The following IQGAP1 variants were observed in gnomAD, a reference collection of about 807,000 sequenced individuals.
IQGAP1 encodes ras GTPase-activating-like protein IQGAP1.
A neutral mutation model predicts 215.6 loss-of-function variants in IQGAP1; 66 were observed. The observed-to-expected ratio is 0.31, with a 90% confidence interval of 0.25 to 0.38. IQGAP1 has a LOEUF of 0.38. Among genes scored for constraint, IQGAP1 ranks in the 10% least tolerant of loss-of-function variants. The pLI is 1.00. For synonymous variants in IQGAP1, 772 were observed against 728.7 expected, an observed-to-expected ratio of 1.06 and a Z score of -0.96; for missense variants, 1,712 against 1,997.1, an observed-to-expected ratio of 0.86 and a Z score of 2.72.
At chr15:90,465,268 T>G (rs1337621997) in intron 15 of IQGAP1, among the ~76,000 whole-genome samples, 1 of 152,194 alleles carries the variant, frequency 6.6e-6, no homozygotes, top group Non-Finnish European at 1.5e-5. Flanking sequence ...CTTAAAAACA[T>G]TAGTAGTCAT....
Position 90,477,850 on chromosome 15 carries a change from C to T in IQGAP1, c.3290C>T (p.Ser1097Phe), listed in dbSNP as rs1294391796. The change falls in exon 26 of 38, where the codon TCT becomes TTT. Residue 1097 changes from serine to phenylalanine, a missense_variant. Transcript: ENST00000268182. Reference sequence around the variant, plus strand: ...ACTGACCCTGTGGATATTTACAAATCTTGGGTTAATCAGATGGAGTCTCAG... The same window carrying T: ...ACTGACCCTGTGGATATTTACAAATTTTGGGTTAATCAGATGGAGTCTCAG... The part of the protein sequence containing the change: ...IKTDPVDIYK[S>F]WVNQMESQTG... The T allele has an allele frequency of 3.7e-6, 6 of 1,613,758 alleles. No homozygotes were observed. Among genetic ancestry groups the T allele is most frequent in the Non-Finnish European group, 5.1e-6 (6 of 1,179,806 alleles).
intron 30 of IQGAP1, among the ~76,000 whole-genome samples, chr15:90,485,489 G>A (rs1441747789): frequency 6.6e-6 from 1 of 152,032 alleles, no homozygotes; most frequent in African/African-American, 2.4e-5. Flanking sequence ...ACTCAGGCTG[G>A]AGTGCAATGG....
intron 14 of IQGAP1, 127 bp downstream of exon 14, chr15:90,454,679 A>C: frequency 9.7e-7 from 1 of 1,026,702 alleles, no homozygotes; most frequent in Non-Finnish European, 1.4e-6. Context: ...TATATAACAC[A>C]AAAGGCTAAA....
chr15:90,388,416 G>A lies in IQGAP1; in HGVS notation c.55+20G>A, dbSNP rs758385811. 3 of 1,563,790 alleles carry A rather than the reference G, an allele frequency of 1.9e-6. 1 individual carries two copies. The South Asian group carries it at 3.4e-5, about 18-fold the overall frequency. On this transcript the variant is annotated intron_variant, in intron 1 of 37. Transcript: ENST00000268182. ...ATGGCTGTGAGTGCGGGGCTCCGCG[G>A]CGCGGGGGCTTCGGGCTGGGCTAAT... is the stretch of plus-strand genomic sequence containing the variant.
chr15:90,400,619 C>G (rs1241330792), intron 2 of IQGAP1, among the ~76,000 whole-genome samples: 1 of 152,126 alleles, frequency 6.6e-6, no homozygotes, highest in Non-Finnish European at 1.5e-5. Flanking sequence ...TATGGATTGT[C>G]CACCAGTCAA....
chr15:90,475,359 C>G (rs1449817200), intron 23 of IQGAP1, among the ~76,000 whole-genome samples: 2 of 151,760 alleles, frequency 1.3e-5, no homozygotes, highest in Admixed American at 1.3e-4. Context: ...TCTGGAACTC[C>G]TGGCCTCAAG....
chr15:90,496,306 CTTTTTTTTTTTTTTTTTT>C (rs552222380), intron 36 of IQGAP1, among the ~76,000 whole-genome samples: 12 of 106,092 alleles, frequency 1.1e-4, no homozygotes, highest in East Asian at 9.8e-4. Flanking sequence ...AGCATAATCC[CTTTTTTTTTTTTTTTTTT>C]TTTTTTTTTT....
chr15:90,452,954 C>G lies in IQGAP1; in HGVS notation c.1326+16C>G. On this transcript the variant is annotated intron_variant, in intron 12 of 37. Transcript: ENST00000268182. The stretch of plus-strand genomic sequence containing the variant: ...AAGTCCTGAAGTGAGTTCACTAAAC[C>G]TGTCCTGTTTGTGAGCAAAGTTGGG... 6.2e-7 allele frequency: 1 copy of G among 1,612,770 alleles called. No homozygotes were observed. The highest frequency in any genetic ancestry group is 8.5e-7 in the Non-Finnish European group (1 of 1,179,450).
intron 14 of IQGAP1, among the ~76,000 whole-genome samples, 200 bp from the exon 15 acceptor site, chr15:90,455,951 AG>A (rs1160684011): frequency 9.2e-5 from 14 of 152,240 alleles, no homozygotes; most frequent in African/African-American, 3.4e-4. Flanking sequence ...AGCATTCAAT[AG>A]GAATATGAAT....
At chr15:90,416,670 C>T (rs1425146909) in intron 2 of IQGAP1, among the ~76,000 whole-genome samples, 6 of 151,820 alleles carry the variant, frequency 4.0e-5, no homozygotes, top group African/African-American at 9.7e-5. Context: ...CTTCACCTCC[C>T]GTGTTCACGC....
chr15:90,475,634 T>C (rs1435118228), intron 23 of IQGAP1: 4 of 151,696 alleles, frequency 2.6e-5, no homozygotes, highest in African/African-American at 9.7e-5. Flanking sequence ...ATGCCTGTAA[T>C]TTCAGCTACT....
chr15:90,462,406 C>T (rs533677893), intron 15 of IQGAP1, among the ~76,000 whole-genome samples: 1 of 152,300 alleles, frequency 6.6e-6, no homozygotes, highest in South Asian at 2.1e-4. Flanking sequence ...GCAACTAAAC[C>T]AGCAGTGACC....
At chr15:90,491,265 T>G in intron 33 of IQGAP1, 68 bp from the exon 34 acceptor site, 1 of 1,310,644 alleles carries the variant, frequency 7.6e-7, no homozygotes, top group South Asian at 1.2e-5. Context: ...GGTGCAAATG[T>G]GCTATATAAA....
rs970815397 is a variant in IQGAP1 at position 90,470,273 on chromosome 15, A to G, written c.2179-2567A>G. 3.1e-4 allele frequency among the ~76,000 whole-genome samples: 47 copies of G among 152,082 alleles called. 3 individuals are homozygous for G. The highest frequency in any genetic ancestry group is 1.0e-4 in the Non-Finnish European group (7 of 68,012). ...CATTTTCTCTCTGGAGGAAACAGCTATCCTTTCTAAAGCTCATTATTGATC... is the reference window on the plus strand; with the variant it reads ...CATTTTCTCTCTGGAGGAAACAGCTGTCCTTTCTAAAGCTCATTATTGATC... On this transcript the variant is annotated intron_variant, in intron 18 of 37. Coordinates refer to ENST00000268182, the MANE Select transcript of IQGAP1 (RefSeq NM_003870.4).
chr15:90,418,454 G>T (rs1412831487), intron 2 of IQGAP1, among the ~76,000 whole-genome samples: 1 of 151,864 alleles, frequency 6.6e-6, no homozygotes, highest in East Asian at 1.9e-4. Context: ...CTCGTGTGGT[G>T]GTACACACCT....
chr15:90,413,722 G>T (rs144236283), intron 2 of IQGAP1, among the ~76,000 whole-genome samples: 2 of 152,108 alleles, frequency 1.3e-5, no homozygotes, highest in African/African-American at 4.8e-5. Flanking sequence ...CCTCTGAATG[G>T]TCTCCTTAGT....
chr15:90,456,759 A>C (rs974765992), intron 15 of IQGAP1, among the ~76,000 whole-genome samples: 2 of 150,410 alleles, frequency 1.3e-5, no homozygotes, highest in Admixed American at 6.6e-5. Flanking sequence ...GTGGTGGTGC[A>C]TGCCTGTAAT....
At chr15:90,479,195 A>T (rs561995808) in intron 26 of IQGAP1, among the ~76,000 whole-genome samples, 22 of 152,250 alleles carry the variant, frequency 1.4e-4, no homozygotes, top group Non-Finnish European at 2.5e-4. Context: ...ATGGAAAATC[A>T]TCTGTGCACA....
At chr15:90,480,617 T>A (rs1966045125) in intron 26 of IQGAP1, among the ~76,000 whole-genome samples, 1 of 152,238 alleles carries the variant, frequency 6.6e-6, no homozygotes, top group Non-Finnish European at 1.5e-5. Context: ...CAATTTTAAT[T>A]TAGCCATGCT....
Sources: gnomAD v4.1 joint callset for allele counts (sites outside exome capture counted in the v4.1 genomes callset) on GRCh38, gnomAD v4.1.1 for gene constraint, MANE v1.5 for transcripts, NCBI Gene and HGNC (gene_info 2026-07-23, HGNC 2026-07-21) for gene names.